Variants in CENPP observed in about 807,000 individuals in gnomAD.
The protein encoded by CENPP is centromere protein P.
CENPP carries 24 observed loss-of-function variants against 35.6 expected under a neutral mutation model. The ratio of observed to expected loss-of-function variants is 0.67; its 90% confidence interval spans 0.49 to 0.95. The LOEUF is 0.95. CENPP is among the 40% of genes least tolerant of loss of function. The pLI is 0.00. For missense variants in CENPP, 332 were observed against 345.3 expected (o/e 0.96, Z 0.31); for synonymous variants, 120 against 125.5 (o/e 0.96, Z 0.29).
intron 5 of CENPP, among the ~76,000 whole-genome samples, chr9:92,486,993 G>T (rs999912102): frequency 6.6e-6 from 1 of 152,086 alleles, no homozygotes; most frequent in Non-Finnish European, 1.5e-5. Context: ...TGTTGGCCAG[G>T]CTGGTCTGGA....
chr9:92,439,683 C>G (rs1254490188), intron 5 of CENPP, among the ~76,000 whole-genome samples: 1 of 152,132 alleles, frequency 6.6e-6, no homozygotes, highest in Non-Finnish European at 1.5e-5. Context: ...TATGGGATAT[C>G]GCTTTATATC....
rs558859609 is a variant in CENPP at position 92,620,109 on chromosome 9, C to T, written c.*6960C>T. The T allele has an allele frequency of 6.4e-6, 1 of 157,318 alleles. No individual in the cohort carries two copies. The highest frequency in any genetic ancestry group is 1.4e-5 in the Non-Finnish European group (1 of 70,638). 9.7% of individuals were successfully genotyped at this position (157,318 alleles called of 1,614,324 possible). Reference sequence around the variant, plus strand: ...TTGCTCCACCCTCACAGCAGCCCAACAGGGCAGCACGGCCGGCGTCCCACT... The same window carrying T: ...TTGCTCCACCCTCACAGCAGCCCAATAGGGCAGCACGGCCGGCGTCCCACT... On this transcript the variant is annotated 3_prime_UTR_variant, in exon 8 of 8. Transcript: ENST00000375587.
chr9:92,412,894 C>A (rs1470730843), intron 5 of CENPP, among the ~76,000 whole-genome samples: 7 of 147,352 alleles, frequency 4.8e-5, no homozygotes, highest in Admixed American at 4.1e-4. Flanking sequence ...CATTTATATG[C>A]AAATTTTGGT....
At chr9:92,549,363 T>C (rs545564016) in intron 5 of CENPP, among the ~76,000 whole-genome samples, 1 of 152,280 alleles carries the variant, frequency 6.6e-6, no homozygotes, top group African/African-American at 2.4e-5. Flanking sequence ...GAAAACTAGA[T>C]GAAGCTGGCC....
At chr9:92,582,933 C>G (rs1276499112) in intron 5 of CENPP, among the ~76,000 whole-genome samples, 1 of 152,160 alleles carries the variant, frequency 6.6e-6, no homozygotes, top group Non-Finnish European at 1.5e-5. Flanking sequence ...CTTGTGTTCT[C>G]TTAGCCTCAC....
intron 5 of CENPP, among the ~76,000 whole-genome samples, chr9:92,560,540 GC>G (rs1417615534): frequency 1.3e-5 from 2 of 152,190 alleles, no homozygotes; most frequent in African/African-American, 4.8e-5. Flanking sequence ...TCACAGTGGA[GC>G]CTGTCTGACA....
At chr9:92,540,084 A>G (rs973518078) in intron 5 of CENPP, among the ~76,000 whole-genome samples, 16 of 152,244 alleles carry the variant, frequency 1.1e-4, no homozygotes, top group African/African-American at 3.9e-4. Context: ...CACAGTTAAA[A>G]TTTCAGTTTT....
intron 5 of CENPP, among the ~76,000 whole-genome samples, chr9:92,443,644 T>C (rs1844477463): frequency 6.9e-6 from 1 of 145,444 alleles, no homozygotes; most frequent in South Asian, 2.1e-4. Flanking sequence ...AAAGAGGACT[T>C]AGTATGTTAC....
At chr9:92,540,263 CCT>C (rs1849285909) in intron 5 of CENPP, among the ~76,000 whole-genome samples, 1 of 151,860 alleles carries the variant, frequency 6.6e-6, no homozygotes, top group African/African-American at 2.4e-5. Context: ...ATGATGAAAC[CCT>C]GTCTCTACTA....
intron 5 of CENPP, among the ~76,000 whole-genome samples, chr9:92,580,328 G>A (rs991420315): frequency 6.6e-6 from 1 of 152,152 alleles, no homozygotes; most frequent in African/African-American, 2.4e-5. Flanking sequence ...AAAAGAGTTA[G>A]GGAGGATTCC....
rs959198825 is a variant in CENPP at position 92,476,445 on chromosome 9, G to A, written c.564+96586G>A. On this transcript the variant is annotated intron_variant, in intron 5 of 7. Coordinates refer to ENST00000375587, the MANE Select transcript of CENPP (RefSeq NM_001012267.3). This position sits in a 1 kb window ranked among gnomAD's most constrained non-coding sequence, Gnocchi z 4.1. The stretch of plus-strand genomic sequence containing the variant: ...GGGCTAGAATGTCCTACTGTCATTA[G>A]TTATTAACCTGATAATTACTTTATT... 6.6e-6 allele frequency among the ~76,000 whole-genome samples: 1 copy of A among 152,106 alleles called. No individual in the cohort carries two copies.
chr9:92,549,401 C>A (rs543664408), intron 5 of CENPP, among the ~76,000 whole-genome samples: 12 of 152,176 alleles, frequency 7.9e-5, no homozygotes, highest in Non-Finnish European at 1.8e-4. Context: ...AATTCCAGCA[C>A]TTTGGGAGGC....
intron 4 of CENPP, among the ~76,000 whole-genome samples, chr9:92,378,636 A>G (rs866605919): frequency 1.3e-5 from 2 of 152,222 alleles, no homozygotes; most frequent in Admixed American, 6.5e-5. Flanking sequence ...TTACTGGTAC[A>G]GGAACTCAAC....
chr9:92,619,476 G>C lies in CENPP; in HGVS notation c.*6327G>C, dbSNP rs370859142. On this transcript the variant is annotated 3_prime_UTR_variant, in exon 8 of 8. Coordinates refer to ENST00000375587, the MANE Select transcript of CENPP (RefSeq NM_001012267.3). Reference sequence around the variant, plus strand: ...GACCCAGGCTGCATGCCTTGCAGTGGGGGCCTCACCTGGCATCCTGCAGAC... The same window carrying C: ...GACCCAGGCTGCATGCCTTGCAGTGCGGGCCTCACCTGGCATCCTGCAGAC... The C allele has an allele frequency of 3.2e-6, 5 of 1,577,672 alleles. No homozygotes were observed. The African/African-American group carries it at 6.7e-5, about 21-fold the overall frequency.
At chr9:92,326,259 G>A (rs1198563069) in intron 1 of CENPP, among the ~76,000 whole-genome samples, 154 bp downstream of exon 1, 1 of 152,230 alleles carries the variant, frequency 6.6e-6, no homozygotes, top group Non-Finnish European at 1.5e-5. Context: ...CCTAGAGTTG[G>A]GAGCAGCGCG....
intron 5 of CENPP, among the ~76,000 whole-genome samples, chr9:92,542,777 G>A (rs565127353): frequency 2.8e-4 from 43 of 152,270 alleles, no homozygotes; most frequent in Non-Finnish European, 4.3e-4. Flanking sequence ...CTCCCAAAGC[G>A]CTGGGATTAC....
At chr9:92,499,570 A>C (rs1435163172) in intron 5 of CENPP, among the ~76,000 whole-genome samples, 1 of 152,218 alleles carries the variant, frequency 6.6e-6, no homozygotes, top group Non-Finnish European at 1.5e-5. Flanking sequence ...TTAGAATCAA[A>C]AAAGGTGGGA....
At chr9:92,377,921 A>G (rs531698972) in intron 4 of CENPP, among the ~76,000 whole-genome samples, 13 of 152,168 alleles carry the variant, frequency 8.5e-5, no homozygotes, top group Admixed American at 6.5e-4. Flanking sequence ...TCATAAACAG[A>G]TGTAAAAGAT....
At chr9:92,360,930 A>C (rs932691708) in intron 4 of CENPP, among the ~76,000 whole-genome samples, 10 of 151,640 alleles carry the variant, frequency 6.6e-5, no homozygotes, top group African/African-American at 2.2e-4. Context: ...GATAGTCTCG[A>C]TCTCCTGACC....
Sources: allele counts gnomAD v4.1 joint callset (sites outside exome capture counted in the v4.1 genomes callset), GRCh38; gene constraint gnomAD v4.1.1; non-coding constraint Gnocchi (gnomAD v3.1); transcripts MANE v1.5; gene names NCBI Gene and HGNC (gene_info 2026-07-23, HGNC 2026-07-21).